PKHD1: variants seen among roughly 807,000 people sequenced by gnomAD.
PKHD1 encodes fibrocystin.
PKHD1 carries 291 observed loss-of-function variants against 412.0 expected under a neutral mutation model. That is an observed-to-expected ratio of 0.71 (90% confidence interval 0.64 to 0.78). PKHD1 has a LOEUF of 0.78. Ranked by LOEUF, PKHD1 falls within the 30% of genes least tolerant of loss-of-function variation. PKHD1 has a pLI of 0.00. For synonymous variants in PKHD1, 1,777 were observed against 1,821.5 expected (o/e 0.98, Z 0.62); for missense variants, 4,825 against 4,950.7 (o/e 0.97, Z 0.76).
intron 46 of PKHD1, among the ~76,000 whole-genome samples, chr6:51,880,779 TAAA>T (rs71544105): frequency 0.021 from 626 of 30,068 alleles, 35 homozygotes; most frequent in African/African-American, 0.055. Flanking sequence ...AAAAAAAAAT[TAAA>T]AAAAAAAAAA....
chr6:51,886,105 C>T, intron 44 of PKHD1, 133 bp from the exon 45 acceptor site: 1 of 712,376 alleles, frequency 1.4e-6, no homozygotes, highest in Non-Finnish European at 2.5e-6. Flanking sequence ...GACCCTCCCC[C>T]TAACTGTTCT....
chr6:51,791,099 A>T lies in PKHD1; in HGVS notation c.8440+137T>A, dbSNP rs1793661994. ...GTAAAGCTTGCCGAAGAGCAACTTT[A>T]CTGGTGCACTCACTACTACCTTAAC... On this transcript the variant is annotated intron_variant, in intron 53 of 66. Transcript: ENST00000371117. 4.8e-6 allele frequency: 4 copies of T among 841,948 alleles called. No individual in the cohort carries two copies. The African/African-American group carries it at 5.0e-5, about 10-fold the overall frequency. 52.2% of individuals were successfully genotyped at this position (841,948 alleles called of 1,614,324 possible). A position where few individuals can be genotyped will look rare whatever the true frequency, so the allele number is the denominator to read the frequency against.
chr6:51,727,739 T>C (rs1782754226), intron 60 of PKHD1, among the ~76,000 whole-genome samples: 1 of 152,200 alleles, frequency 6.6e-6, no homozygotes, highest in African/African-American at 2.4e-5. Context: ...TCTTAGTGCA[T>C]ATGCCCAGGA....
rs377415956 is a variant in PKHD1 at position 52,053,126 on chromosome 6, G to A, written c.2090C>T (p.Thr697Met). The A allele has an allele frequency of 2.1e-5, 34 of 1,613,912 alleles. No individual in the cohort carries two copies. Among genetic ancestry groups the A allele is most frequent in the African/African-American group, 9.3e-5 (7 of 74,910 alleles). Residue 697 changes from threonine to methionine, a missense_variant, in exon 21 of 67, where the codon ACG (threonine) becomes ATG (methionine). Coordinates refer to ENST00000371117, the MANE Select transcript of PKHD1 (RefSeq NM_138694.4). The part of the protein sequence containing the change: ...QINLLPLAQE[T>M]GLFYVDEIII... ...AATTTCATCCACATAGAACAGGCCCGTCTCCTGGGCCAGAGGGAGAAGGTT... is the reference window on the plus strand; with the variant it reads ...AATTTCATCCACATAGAACAGGCCCATCTCCTGGGCCAGAGGGAGAAGGTT...
intron 34 of PKHD1, among the ~76,000 whole-genome samples, chr6:52,010,692 C>G (rs1799695738): frequency 6.6e-6 from 1 of 152,154 alleles, no homozygotes; most frequent in African/African-American, 2.4e-5. Context: ...TTCACTGAGG[C>G]CTTTCTCTTT....
chr6:51,814,458 A>T (rs1765149832), intron 52 of PKHD1, among the ~76,000 whole-genome samples: 1 of 152,230 alleles, frequency 6.6e-6, no homozygotes, highest in African/African-American at 2.4e-5. Flanking sequence ...AAACAAAAAC[A>T]GGTGCATCCA....
chr6:51,976,763 C>T (rs540406352), intron 35 of PKHD1, among the ~76,000 whole-genome samples: 1 of 152,214 alleles, frequency 6.6e-6, no homozygotes, highest in African/African-American at 2.4e-5. Flanking sequence ...TCCTGGACAA[C>T]ATGGTGAAAC....
At chr6:51,620,263 G>A (rs533461641) in intron 66 of PKHD1, among the ~76,000 whole-genome samples, 1 of 152,064 alleles carries the variant, frequency 6.6e-6, no homozygotes, top group African/African-American at 2.4e-5. Flanking sequence ...CATTTTATTT[G>A]TCTCTTATTT....
intron 37 of PKHD1, among the ~76,000 whole-genome samples, chr6:51,926,047 C>CA (rs1473234955): frequency 6.9e-6 from 1 of 145,556 alleles, no homozygotes; most frequent in Admixed American, 6.9e-5. Context: ...AAAATAAATA[C>CA]AAAAAAATGT....
intron 5 of PKHD1, among the ~76,000 whole-genome samples, chr6:52,079,497 C>T (rs921681434): frequency 6.6e-6 from 1 of 152,158 alleles, no homozygotes; most frequent in Non-Finnish European, 1.5e-5. Context: ...CAAAAGTAAT[C>T]TTGGTGGCCC....
intron 46 of PKHD1, 77 bp downstream of exon 46, chr6:51,883,016 C>G (rs1562525631): frequency 9.1e-7 from 1 of 1,094,274 alleles, no homozygotes; most frequent in African/African-American, 1.6e-5. Flanking sequence ...AATTGCATAT[C>G]CTGGATCATC....
At chr6:51,858,233 G>A (rs1456951522) in intron 48 of PKHD1, among the ~76,000 whole-genome samples, 2 of 152,040 alleles carry the variant, frequency 1.3e-5, no homozygotes, top group Non-Finnish European at 2.9e-5. Flanking sequence ...GTTTTAAATT[G>A]TAATCTTTAG....
intron 35 of PKHD1, among the ~76,000 whole-genome samples, chr6:51,997,847 TA>T (rs1797881548): frequency 6.6e-6 from 1 of 152,198 alleles, no homozygotes; most frequent in African/African-American, 2.4e-5. Flanking sequence ...CTTTCCTCAC[TA>T]AGTCCCATCA....
chr6:51,682,205 A>G (rs1218331316), intron 60 of PKHD1: 1 of 455,804 alleles, frequency 2.2e-6, no homozygotes, highest in African/African-American at 2.0e-5. Context: ...GGAAGAGGAT[A>G]AAGAACATAA....
chr6:51,848,972 G>A (rs554997997), intron 49 of PKHD1, among the ~76,000 whole-genome samples: 21 of 140,830 alleles, frequency 1.5e-4, no homozygotes, highest in Admixed American at 3.0e-4. Flanking sequence ...GGTGCAGAAC[G>A]TGCAGGTTTG....
At chr6:51,705,726 C>G (rs981791467) in intron 60 of PKHD1, among the ~76,000 whole-genome samples, 1 of 151,966 alleles carries the variant, frequency 6.6e-6, no homozygotes, top group Non-Finnish European at 1.5e-5. Context: ...GTGCAAACAT[C>G]CAGTAACAAC....
At chr6:51,779,973 G>T (rs1412316945) in intron 53 of PKHD1, among the ~76,000 whole-genome samples, 3 of 151,976 alleles carry the variant, frequency 2.0e-5, no homozygotes, top group East Asian at 1.9e-4. Context: ...TTTAAAAATT[G>T]GAATTATACA....
chr6:51,986,875 C>T (rs369091709), intron 35 of PKHD1, among the ~76,000 whole-genome samples: 25 of 152,152 alleles, frequency 1.6e-4, no homozygotes, highest in East Asian at 1.2e-3. Flanking sequence ...CAACAAATAG[C>T]GTGGCAGCAT....
chr6:51,903,419 T>C (rs896803235), intron 43 of PKHD1, among the ~76,000 whole-genome samples, 178 bp downstream of exon 43: 1 of 152,162 alleles, frequency 6.6e-6, no homozygotes, highest in African/African-American at 2.4e-5. Flanking sequence ...TTTTACAATT[T>C]TTTTTCAGCT....
Sources: allele counts gnomAD v4.1 joint callset (sites outside exome capture counted in the v4.1 genomes callset), GRCh38; gene constraint gnomAD v4.1.1; transcripts MANE v1.5; gene names NCBI Gene and HGNC (gene_info 2026-07-23, HGNC 2026-07-21).